Variants in DNAJC5 observed in about 807,000 individuals in gnomAD.
DNAJC5 encodes dnaJ homolog subfamily C member 5.
Under a neutral mutation model 23.2 loss-of-function variants are expected in DNAJC5, and 1 was observed. The ratio of observed to expected loss-of-function variants is 0.04; its 90% CI spans 0.02 to 0.20. DNAJC5 has a LOEUF of 0.20. DNAJC5 is among the 10% of genes least tolerant of loss of function. The probability of loss-of-function intolerance (pLI) is 1.00; values close to 1 mark genes in which losing one functional copy is unlikely to be tolerated. For synonymous variants in DNAJC5, 136 were observed against 120.0 expected (o/e 1.13, Z -0.87); for missense variants, 180 against 267.0 (o/e 0.67, Z 2.27).
chr20:63,925,151 G>A (rs1412346261), intron 1 of DNAJC5, among the ~76,000 whole-genome samples: 2 of 152,024 alleles, frequency 1.3e-5, no homozygotes, highest in African/African-American at 2.4e-5. Flanking sequence ...GGGTTTGTGA[G>A]TATGCAGAAA....
At chr20:63,910,978 C>T (rs2053479533) in intron 1 of DNAJC5, among the ~76,000 whole-genome samples, 1 of 152,144 alleles carries the variant, frequency 6.6e-6, no homozygotes, top group Non-Finnish European at 1.5e-5. Flanking sequence ...CTGTTCAATT[C>T]TTTGTATTCA....
At chr20:63,905,033 G>T (rs2053438440) in intron 1 of DNAJC5, among the ~76,000 whole-genome samples, 1 of 151,194 alleles carries the variant, frequency 6.6e-6, no homozygotes, top group Non-Finnish European at 1.5e-5. Flanking sequence ...TCGAACTCCT[G>T]ACATCAGGTG....
At chr20:63,930,706 G>A in intron 3 of DNAJC5, 145 bp from the exon 4 acceptor site, 1 of 1,339,814 alleles carries the variant, frequency 7.5e-7, no homozygotes, top group Non-Finnish European at 1.1e-6. Flanking sequence ...CCCTTCTTCA[G>A]TTCTTTCCTT....
chr20:63,931,939 G>T lies in DNAJC5; in HGVS notation c.*371G>T, dbSNP rs2053676363. On this transcript the variant is annotated 3_prime_UTR_variant, in exon 5 of 5. Transcript: ENST00000360864. The surrounding 1 kb of genome is among the most constrained non-coding windows in gnomAD (Gnocchi z 9.6). ...GACTGCAGCCGGTCAGGTGGGCGAG[G>T]AGAAGGGGGGCTGCCCCTTTCCTAC... 2.8e-6 allele frequency: 1 copy of T among 361,566 alleles called. No homozygotes were observed. The highest frequency in any genetic ancestry group is 5.4e-6 in the Non-Finnish European group (1 of 185,670). The allele number at this position is 361,566 out of a possible 1,614,324, so 22.4% of individuals were successfully genotyped here.
intron 1 of DNAJC5, among the ~76,000 whole-genome samples, chr20:63,917,504 T>A (rs1363492802): frequency 6.6e-6 from 1 of 152,180 alleles, no homozygotes; most frequent in Non-Finnish European, 1.5e-5. Context: ...ATGCCCACCT[T>A]GGCCTCTCAA....
chr20:63,900,732 T>C (rs988264400), intron 1 of DNAJC5, among the ~76,000 whole-genome samples: 1 of 152,238 alleles, frequency 6.6e-6, no homozygotes, highest in Admixed American at 6.5e-5. Flanking sequence ...CAGAGAACTT[T>C]GTCATTTATT....
At chr20:63,923,672 C>G (rs919427384) in intron 1 of DNAJC5, among the ~76,000 whole-genome samples, 4 of 152,110 alleles carry the variant, frequency 2.6e-5, no homozygotes, top group African/African-American at 9.7e-5. Flanking sequence ...TTGCAGTGAG[C>G]TGAAATGTGA....
intron 1 of DNAJC5, among the ~76,000 whole-genome samples, chr20:63,910,436 G>A (rs1369120459): frequency 4.0e-5 from 6 of 151,670 alleles, no homozygotes; most frequent in East Asian, 4.0e-4. Context: ...CCAGCTACTC[G>A]GGAGGCTGAG....
chr20:63,916,117 T>G (rs1284557345), intron 1 of DNAJC5, among the ~76,000 whole-genome samples: 1 of 152,034 alleles, frequency 6.6e-6, no homozygotes, highest in African/African-American at 2.4e-5. Flanking sequence ...CTGGCTAATT[T>G]TTGTATTTTT....
intron 1 of DNAJC5, among the ~76,000 whole-genome samples, chr20:63,899,969 A>G (rs1435753981): frequency 6.7e-6 from 1 of 149,092 alleles, no homozygotes; most frequent in Non-Finnish European, 1.5e-5. Flanking sequence ...GCTCATGGCA[A>G]CCTCTGCCTC....
At position 63,935,832 on chromosome 20, in the gene DNAJC5, T is replaced by C. The variant is rs757415732; in HGVS notation, c.*4264T>C. On this transcript the variant is annotated 3_prime_UTR_variant, in exon 5 of 5. Coordinates refer to ENST00000360864, the MANE Select transcript of DNAJC5 (RefSeq NM_025219.3). ...CACACGCATGGAAGCTGCTTGTCCATGCACTGGTTTTGTCACTGGCGTCCT... is the reference window on the plus strand; with the variant it reads ...CACACGCATGGAAGCTGCTTGTCCACGCACTGGTTTTGTCACTGGCGTCCT... 5.3e-5 allele frequency: 8 copies of C among 152,280 alleles called. No homozygotes were observed. The highest frequency in any genetic ancestry group is 7.2e-5 in the African/African-American group (3 of 41,468). The allele number at this position is 152,280 out of a possible 1,614,324, so 9.4% of individuals were successfully genotyped here.
chr20:63,898,361 G>A (rs2053387916), intron 1 of DNAJC5, among the ~76,000 whole-genome samples: 1 of 152,204 alleles, frequency 6.6e-6, no homozygotes, highest in Non-Finnish European at 1.5e-5. Flanking sequence ...TTAGGAGTAT[G>A]TAATGCTGCA....
chr20:63,898,730 A>G (rs576197037), intron 1 of DNAJC5, among the ~76,000 whole-genome samples: 23 of 152,282 alleles, frequency 1.5e-4, no homozygotes, highest in African/African-American at 4.6e-4. Flanking sequence ...AATTCCAGCT[A>G]CTAGGGAGGC....
chr20:63,911,517 C>T (rs540865394), intron 1 of DNAJC5, among the ~76,000 whole-genome samples: 70 of 152,290 alleles, frequency 4.6e-4, no homozygotes, highest in African/African-American at 1.4e-3. Flanking sequence ...CACTTCCTCT[C>T]GTACTTGGAT....
intron 1 of DNAJC5, among the ~76,000 whole-genome samples, chr20:63,902,108 G>A (rs2053416831): frequency 1.3e-5 from 2 of 151,808 alleles, no homozygotes; most frequent in African/African-American, 4.8e-5. Context: ...AGGCTGGAGT[G>A]CAGTGACGCG....
At chr20:63,900,117 G>C (rs947786892) in intron 1 of DNAJC5, among the ~76,000 whole-genome samples, 1 of 149,660 alleles carries the variant, frequency 6.7e-6, no homozygotes, top group Non-Finnish European at 1.5e-5. Context: ...TTGAACTCCT[G>C]ACCTCAGGTG....
Position 63,931,661 on chromosome 20 carries a change from C to T in DNAJC5, c.*93C>T. 7.6e-7 allele frequency: 1 copy of T among 1,322,204 alleles called. No individual in the cohort carries two copies. The highest frequency in any genetic ancestry group is 2.0e-5 in the Admixed American group (1 of 50,714). 81.9% of individuals were successfully genotyped at this position (1,322,204 alleles called of 1,614,324 possible). ...GTAGTCACAGAGATGGGAAGGCAGCCTCCTGCCTGCCCTGGCCTTGCTGGG... is the reference window on the plus strand; with the variant it reads ...GTAGTCACAGAGATGGGAAGGCAGCTTCCTGCCTGCCCTGGCCTTGCTGGG... On this transcript the variant is annotated 3_prime_UTR_variant, in exon 5 of 5. Coordinates refer to ENST00000360864, the MANE Select transcript of DNAJC5 (RefSeq NM_025219.3). This position sits in a 1 kb window ranked among gnomAD's most constrained non-coding sequence, Gnocchi z 9.6.
At chr20:63,903,550 G>A (rs1451651270) in intron 1 of DNAJC5, among the ~76,000 whole-genome samples, 1 of 152,110 alleles carries the variant, frequency 6.6e-6, no homozygotes, top group Non-Finnish European at 1.5e-5. Context: ...CTCATGGTCT[G>A]CGCACCTTGG....
At position 63,931,332 on chromosome 20, in the gene DNAJC5, G is replaced by C; in HGVS notation, c.494-133G>C. The C allele has an allele frequency of 1.1e-6, 1 of 941,062 alleles. No homozygotes were observed. The highest frequency in any genetic ancestry group is 1.6e-6 in the Non-Finnish European group (1 of 607,076). 58.3% of individuals were successfully genotyped at this position (941,062 alleles called of 1,614,324 possible). On this transcript the variant is annotated intron_variant, in intron 4 of 4. Transcript: ENST00000360864. The surrounding 1 kb of genome is among the most constrained non-coding windows in gnomAD (Gnocchi z 9.6). The stretch of plus-strand genomic sequence containing the variant: ...CCAAGGCGACGGAGGAAAGCCGTGT[G>C]GGGTGGAGGTCAGCGAGTAGCCTCT...
Sources: allele counts gnomAD v4.1 joint callset (sites outside exome capture counted in the v4.1 genomes callset), GRCh38; gene constraint gnomAD v4.1.1; non-coding constraint Gnocchi (gnomAD v3.1); transcripts MANE v1.5; gene names NCBI Gene and HGNC (gene_info 2026-07-23, HGNC 2026-07-21).